CCDC157: variants seen among roughly 807,000 people sequenced by gnomAD.
CCDC157 encodes coiled-coil domain containing 157.
Under a neutral mutation model 70.9 loss-of-function variants are expected in CCDC157, and 60 were observed. That is an observed-to-expected ratio of 0.85 (90% CI 0.69 to 1.05). The LOEUF is 1.05. Ranked by LOEUF, CCDC157 falls within the 50% of genes least tolerant of loss-of-function variation. CCDC157 has a pLI of 0.00. For missense variants in CCDC157, 943 were observed against 984.2 expected (o/e 0.96, Z 0.56); for synonymous variants, 373 against 422.4 (o/e 0.88, Z 1.43).
At chr22:30,356,810 CT>C (rs1931893303), upstream of CCDC157, 1 of 1,351,062 alleles carries the variant, frequency 7.4e-7, no homozygotes, top group East Asian at 3.0e-5. Flanking sequence ...ACGCTCAGGG[CT>C]GCCAGTCCGC....
Position 30,377,914 on chromosome 22 carries a change from GT to G in CCDC157, c.*1176del, listed in dbSNP as rs954443359. The G allele has an allele frequency of 5.7e-5, 20 of 349,060 alleles. No individual in the cohort carries two copies. The highest frequency in any genetic ancestry group is 1.0e-4 in the Non-Finnish European group (18 of 175,402). The allele number at this position is 349,060 out of a possible 1,614,324, so 21.6% of individuals were successfully genotyped here. A position where few individuals can be genotyped will look rare whatever the true frequency, so the allele number is the denominator to read the frequency against. The stretch of plus-strand genomic sequence containing the variant: ...AGAAGTCCAGGTTCTGTGTGGCTGG[GT>G]TTTTTTGCTCCGGGTCCCAGAGGGC... On this transcript the variant is annotated 3_prime_UTR_variant, in exon 12 of 12. Transcript: ENST00000338306.
chr22:30,375,301 T>G, intron 9 of CCDC157, 178 bp from the exon 10 acceptor site: 1 of 604,208 alleles, frequency 1.7e-6, no homozygotes, highest in Non-Finnish European at 2.8e-6. Context: ...AGCTCTCAGA[T>G]TTTATAATAC....
At chr22:30,367,370 G>A (rs1244276426) in intron 3 of CCDC157, among the ~76,000 whole-genome samples, 2 of 152,034 alleles carry the variant, frequency 1.3e-5, no homozygotes, top group Non-Finnish European at 2.9e-5. Flanking sequence ...AAAGTAGCTG[G>A]GATTACAGGT....
upstream of CCDC157, chr22:30,356,654 G>A: frequency 8.6e-7 from 1 of 1,167,342 alleles, no homozygotes; most frequent in Non-Finnish European, 1.1e-6. Flanking sequence ...ATAGCGGCCG[G>A]CCGCTTATTC....
chr22:30,357,668 A>ATTTT (rs71198545), intron 1 of CCDC157, among the ~76,000 whole-genome samples: 2 of 131,388 alleles, frequency 1.5e-5, no homozygotes, highest in Non-Finnish European at 3.2e-5. Flanking sequence ...CACCCGGCTA[A>ATTTT]TTTTTTTTTT....
In CCDC157 at chr22:30,368,029, G is replaced by A. The variant is rs538148668; in HGVS notation, c.249-1403G>A. On this transcript the variant is annotated intron_variant, in intron 3 of 11. Coordinates refer to ENST00000338306, the MANE Select transcript of CCDC157 (RefSeq NM_001017437.5). ...TCGTGCCATTGCACTCCAGCCTGGC[G>A]ACAGAGTGAGACTGTCTCAAAACAA... Among the ~76,000 whole-genome samples the A allele has an allele frequency of 1.4e-4, 22 of 152,256 alleles. No individual in the cohort carries two copies. In the South Asian group the frequency reaches 3.9e-3, roughly 27 times the overall value.
In CCDC157 at chr22:30,377,825, G is replaced by C. The variant is rs1393121162; in HGVS notation, c.*1080G>C. ...TCCAGGGGAAGGACCTCACAGCTGA[G>C]TAGCTCTCTCAGGCGCCCACCAACT... On this transcript the variant is annotated 3_prime_UTR_variant, in exon 12 of 12. Transcript: ENST00000338306. The C allele has an allele frequency of 9.6e-6, 3 of 312,520 alleles. No individual in the cohort carries two copies. Among genetic ancestry groups the C allele is most frequent in the African/African-American group, 6.5e-5 (3 of 46,116 alleles). 19.4% of individuals were successfully genotyped at this position (312,520 alleles called of 1,614,324 possible).
At chr22:30,361,295 T>G (rs146065367) in intron 1 of CCDC157, among the ~76,000 whole-genome samples, 80 of 149,484 alleles carry the variant, frequency 5.4e-4, no homozygotes, top group African/African-American at 1.8e-3. Flanking sequence ...TAGTAATACA[T>G]GAGGGAGGGC....
At chr22:30,356,784 G>A (rs1427234234), upstream of CCDC157, 1 of 1,426,380 alleles carries the variant, frequency 7.0e-7, no homozygotes, top group Non-Finnish European at 9.2e-7. Flanking sequence ...GCACGGGTCC[G>A]GCCGGCATGA....
intron 2 of CCDC157, among the ~76,000 whole-genome samples, chr22:30,365,299 G>A (rs1932644583): frequency 6.6e-6 from 1 of 151,580 alleles, no homozygotes; most frequent in Admixed American, 6.6e-5. Flanking sequence ...GTGTGCATGA[G>A]CTGCAACTCG....
At chr22:30,372,007 C>G in intron 6 of CCDC157, 68 bp from the exon 7 acceptor site, 1 of 1,072,664 alleles carries the variant, frequency 9.3e-7, no homozygotes, top group South Asian at 1.5e-5. Context: ...TGTGAGCTCC[C>G]GTCCTAGGTC....
intron 1 of CCDC157, among the ~76,000 whole-genome samples, chr22:30,358,476 T>C (rs1932099416): frequency 6.6e-6 from 1 of 152,166 alleles, no homozygotes; most frequent in South Asian, 2.1e-4. Context: ...TCCCCAGGGA[T>C]CCAGGCAATT....
At position 30,370,448 on chromosome 22, in the gene CCDC157, C is replaced by G; in HGVS notation, c.543C>G (p.Pro181=). The stretch of plus-strand genomic sequence containing the variant: ...CCTCCTCCCCAGTGCTAGGCTTGCC[C>G]CAGACCTGCCAAGAGCCAGAGAGCA... The part of the protein sequence containing the change: ...IKPSSPVLGL[P]QTCQEPESIP... The change falls in exon 5 of 12, where the codon CCC becomes CCG. Residue 181 remains proline, a synonymous_variant. Coordinates refer to ENST00000338306, the MANE Select transcript of CCDC157 (RefSeq NM_001017437.5). 1 of 1,614,128 alleles carries G rather than the reference C, an allele frequency of 6.2e-7. No homozygotes were observed. The highest frequency in any genetic ancestry group is 8.5e-7 in the Non-Finnish European group (1 of 1,180,042).
chr22:30,369,563 T>C lies in CCDC157; in HGVS notation c.380T>C (p.Leu127Pro), dbSNP rs1178035075. 1.3e-6 allele frequency: 2 copies of C among 1,596,760 alleles called. No homozygotes were observed. The highest frequency in any genetic ancestry group is 1.1e-5 in the South Asian group (1 of 89,628). The change falls in exon 4 of 12, where the codon CTG (leucine) becomes CCG (proline). Residue 127 changes from leucine (L) to proline (P), a missense_variant. Physicochemically the swap from Leu to Pro is moderately conservative, Grantham distance 98. Coordinates refer to ENST00000338306, the MANE Select transcript of CCDC157 (RefSeq NM_001017437.5). ...ACGGTGCGGCGCTTCTGGGACAGCC[T>C]GCTGAGGCTGGGCACGCTCCACCAG... ...GLTVRRFWDS[L>P]LRLGTLHQQP...
chr22:30,372,336 G>A (rs2145934931), intron 7 of CCDC157, 50 bp downstream of exon 7: 1 of 1,461,586 alleles, frequency 6.8e-7, no homozygotes, highest in Non-Finnish European at 9.0e-7. Context: ...TAGGCTGCAG[G>A]GAAAGAGGGC....
intron 7 of CCDC157, 135 bp downstream of exon 7, chr22:30,372,421 C>T: frequency 8.1e-7 from 1 of 1,240,940 alleles, no homozygotes; most frequent in Non-Finnish European, 1.1e-6. Context: ...TGGGGGTTGA[C>T]TCACCTTTAC....
At position 30,362,083 on chromosome 22, in the gene CCDC157, C is replaced by T. The variant is rs1932387584; in HGVS notation, c.-43C>T. The T allele has an allele frequency of 6.6e-6, 1 of 152,396 alleles. No homozygotes were observed. The highest frequency in any genetic ancestry group is 1.5e-5 in the Non-Finnish European group (1 of 68,188). The allele number at this position is 152,396 out of a possible 1,614,324, so 9.4% of individuals were successfully genotyped here. A position where few individuals can be genotyped will look rare whatever the true frequency, so the allele number is the denominator to read the frequency against. ...TCTGAGAACTAGACACACTCAGTCA[C>T]TCCAGCTCCACGGGCAGACACCTGC... On this transcript the variant is annotated 5_prime_UTR_variant, in exon 2 of 12. Coordinates refer to ENST00000338306, the MANE Select transcript of CCDC157 (RefSeq NM_001017437.5).
At chr22:30,374,303 A>T (rs1933182177) in intron 9 of CCDC157, 8 of 654,940 alleles carry the variant, frequency 1.2e-5, no homozygotes, top group Non-Finnish European at 2.2e-5. Flanking sequence ...GTGAAAGCCC[A>T]ACAGTGATGT....
At chr22:30,356,645 T>C, upstream of CCDC157, 1 of 1,102,096 alleles carries the variant, frequency 9.1e-7, no homozygotes, top group Non-Finnish European at 1.2e-6. Context: ...AAGCCCTTCA[T>C]AGCGGCCGGC....
Sources: allele counts gnomAD v4.1 joint callset (sites outside exome capture counted in the v4.1 genomes callset), GRCh38; gene constraint gnomAD v4.1.1; transcripts MANE v1.5; gene names NCBI Gene and HGNC (gene_info 2026-07-23, HGNC 2026-07-21).